The following ARSG variants were observed in gnomAD, a reference collection of about 807,000 sequenced individuals.
ARSG encodes arylsulfatase G.
ARSG carries 37 observed loss-of-function variants against 50.5 expected under a neutral mutation model. The ratio of observed to expected loss-of-function variants is 0.73; its 90% CI spans 0.56 to 0.96. The LOEUF (loss-of-function observed/expected upper bound fraction) is 0.96. Ranked by LOEUF, ARSG falls within the 50% of genes least tolerant of loss-of-function variation. ARSG has a pLI of 0.00. For missense variants in ARSG, 629 were observed against 675.3 expected (o/e 0.93, Z 0.76); for synonymous variants, 225 against 254.6 (o/e 0.88, Z 1.11).
intron 2 of ARSG, among the ~76,000 whole-genome samples, chr17:68,312,518 T>C (rs1337189594): frequency 6.6e-6 from 1 of 152,148 alleles, no homozygotes; most frequent in Non-Finnish European, 1.5e-5. Flanking sequence ...ACGTTTTTTT[T>C]TTCTCATGTG....
chr17:68,428,743 G>A, the ARSG span: 1 of 1,002,054 alleles, frequency 1.0e-6, no homozygotes, highest in Non-Finnish European at 1.5e-6. Context: ...CAATGCAAGG[G>A]CACTGAAGCT....
At chr17:68,401,543 G>C in intron 11 of ARSG, 93 bp downstream of exon 11, 1 of 1,172,666 alleles carries the variant, frequency 8.5e-7, no homozygotes, top group Non-Finnish European at 1.2e-6. Context: ...ATGAGTGTGA[G>C]TCCCTCCTTT....
chr17:68,353,474 A>G (rs1250075470), intron 5 of ARSG, among the ~76,000 whole-genome samples: 1 of 152,146 alleles, frequency 6.6e-6, no homozygotes, highest in Non-Finnish European at 1.5e-5. Flanking sequence ...TGATTGCATC[A>G]CTGCACTTCA....
chr17:68,350,582 G>C (rs565376855), intron 4 of ARSG, among the ~76,000 whole-genome samples: 2 of 151,990 alleles, frequency 1.3e-5, no homozygotes, highest in South Asian at 4.1e-4. Context: ...TCAGGAGATT[G>C]AGACCATCCT....
chr17:68,421,845 C>T, downstream of ARSG: 1 of 1,614,108 alleles, frequency 6.2e-7, no homozygotes, highest in Admixed American at 1.7e-5. Context: ...ACAGAATGGC[C>T]TTACTCTTCT....
At chr17:68,404,525 A>G (rs2081622048) in intron 11 of ARSG, among the ~76,000 whole-genome samples, 1 of 152,220 alleles carries the variant, frequency 6.6e-6, no homozygotes, top group Admixed American at 6.5e-5. Context: ...TACATTCCTC[A>G]ATAAATCCCA....
At chr17:68,365,179 G>C (rs941475088) in intron 6 of ARSG, among the ~76,000 whole-genome samples, 7 of 152,110 alleles carry the variant, frequency 4.6e-5, no homozygotes, top group Non-Finnish European at 8.8e-5. Context: ...GTGTGGTGGC[G>C]TGCATGCCTG....
At chr17:68,404,225 G>A (rs2081606968) in intron 11 of ARSG, among the ~76,000 whole-genome samples, 1 of 152,196 alleles carries the variant, frequency 6.6e-6, no homozygotes, top group African/African-American at 2.4e-5. Flanking sequence ...TGTATACCCA[G>A]TAATGGGATG....
intron 8 of ARSG, among the ~76,000 whole-genome samples, chr17:68,376,464 T>A (rs926387170): frequency 2.6e-5 from 4 of 151,846 alleles, no homozygotes; most frequent in Admixed American, 2.0e-4. Flanking sequence ...CCTTTTAAAA[T>A]TTTTTTTGTA....
intron 2 of ARSG, among the ~76,000 whole-genome samples, chr17:68,337,763 A>G (rs574211251): frequency 9.9e-5 from 15 of 152,156 alleles, no homozygotes; most frequent in African/African-American, 3.6e-4. Flanking sequence ...GACTACAGGC[A>G]TGTGCCACCA....
chr17:68,339,081 T>C (rs1355161261), intron 2 of ARSG, among the ~76,000 whole-genome samples: 1 of 152,162 alleles, frequency 6.6e-6, no homozygotes, highest in African/African-American at 2.4e-5. Context: ...CCACTCAGTT[T>C]GTAGGATTTT....
intron 1 of ARSG, among the ~76,000 whole-genome samples, chr17:68,263,266 C>G (rs1341673679): frequency 6.6e-6 from 1 of 152,128 alleles, no homozygotes; most frequent in Non-Finnish European, 1.5e-5. Flanking sequence ...CTAGGGGGAC[C>G]CAGTTTCCTT....
chr17:68,432,783 C>T, the ARSG span, among the ~76,000 whole-genome samples: 15 of 152,254 alleles, frequency 9.9e-5, no homozygotes, highest in African/African-American at 3.1e-4. Flanking sequence ...GTTTTCAAAG[C>T]GCTCTTTCTC....
At chr17:68,432,365 T>C in the ARSG span, among the ~76,000 whole-genome samples, 5 of 152,236 alleles carry the variant, frequency 3.3e-5, no homozygotes, top group Admixed American at 6.5e-5. Context: ...CAGAAAAAGA[T>C]GGCAGAAGGG....
intron 1 of ARSG, among the ~76,000 whole-genome samples, chr17:68,285,994 C>T (rs1180273923): frequency 1.3e-5 from 2 of 152,068 alleles, no homozygotes; most frequent in Non-Finnish European, 2.9e-5. Context: ...CTCCTGACCT[C>T]GTGATCCACC....
intron 11 of ARSG, among the ~76,000 whole-genome samples, chr17:68,419,277 C>A (rs1468058478): frequency 1.3e-5 from 2 of 152,096 alleles, no homozygotes; most frequent in African/African-American, 4.8e-5. Context: ...AAAATTATAT[C>A]CTGGCTGGTG....
chr17:68,267,930 GT>G, intron 1 of ARSG: 1 of 152,258 alleles, frequency 6.6e-6, no homozygotes, highest in East Asian at 1.9e-4. Context: ...TAATTAGATG[GT>G]TTTTTCTTTA....
At chr17:68,280,850 A>G (rs1054990982) in intron 1 of ARSG, among the ~76,000 whole-genome samples, 4 of 152,178 alleles carry the variant, frequency 2.6e-5, no homozygotes, top group Non-Finnish European at 5.9e-5. Context: ...GTGAGGCCAG[A>G]TGTAGTGTGT....
Position 68,271,283 on chromosome 17 carries a change from T to C in ARSG, c.-552+11857T>C. On this transcript the variant is annotated intron_variant, in intron 1 of 11. Transcript: ENST00000448504. The surrounding 1 kb of genome is among the most constrained non-coding windows in gnomAD (Gnocchi z 5.3). ...CCAAATAATGCATAACAAATAAAAC[T>C]TTTCTCTTTCAAAATGGAGAAGTCT... 1 of 1,614,186 alleles carries C rather than the reference T, an allele frequency of 6.2e-7. No individual in the cohort carries two copies.
Sources: allele counts gnomAD v4.1 joint callset (sites outside exome capture counted in the v4.1 genomes callset), GRCh38; gene constraint gnomAD v4.1.1; non-coding constraint Gnocchi (gnomAD v3.1); transcripts MANE v1.5; gene names NCBI Gene and HGNC (gene_info 2026-07-23, HGNC 2026-07-21).